PAN3: variants seen among roughly 807,000 people sequenced by gnomAD.
PAN3 encodes the protein PAN2-PAN3 deadenylation complex subunit PAN3.
A neutral mutation model predicts 96.2 loss-of-function variants in PAN3; 19 were observed. The observed-to-expected ratio is 0.20, with a 90% CI of 0.14 to 0.29. The LOEUF (loss-of-function observed/expected upper bound fraction) is 0.29. Among genes scored for constraint, PAN3 ranks in the 10% least tolerant of loss-of-function variants. PAN3 has a pLI of 1.00. For synonymous variants in PAN3, 433 were observed against 406.6 expected (o/e 1.06, Z -0.78); for missense variants, 882 against 1,108.1 (o/e 0.80, Z 2.90).
At chr13:28,184,816 T>C (rs984398616) in intron 4 of PAN3, among the ~76,000 whole-genome samples, 2 of 152,168 alleles carry the variant, frequency 1.3e-5, no homozygotes, top group Non-Finnish European at 1.5e-5. Flanking sequence ...TTTTCTCATT[T>C]CCTATTGGGC....
intron 6 of PAN3, among the ~76,000 whole-genome samples, chr13:28,228,453 A>G (rs1181613733): frequency 6.6e-6 from 1 of 152,168 alleles, no homozygotes; most frequent in Admixed American, 6.5e-5. Context: ...TGTGGATTGC[A>G]TATTTATTAT....
chr13:28,158,488 A>G (rs1872502643), intron 1 of PAN3, among the ~76,000 whole-genome samples: 1 of 152,216 alleles, frequency 6.6e-6, no homozygotes, highest in African/African-American at 2.4e-5. Flanking sequence ...ACTTAAATTA[A>G]CAAGCAAAAA....
chr13:28,284,008 T>G (rs1486743125), intron 17 of PAN3, among the ~76,000 whole-genome samples: 1 of 152,232 alleles, frequency 6.6e-6, no homozygotes, highest in African/African-American at 2.4e-5. Flanking sequence ...CTGTAGGGAC[T>G]AACTTGTGCA....
chr13:28,201,003 T>G (rs1157605982), intron 5 of PAN3, among the ~76,000 whole-genome samples: 1 of 152,128 alleles, frequency 6.6e-6, no homozygotes, highest in Non-Finnish European at 1.5e-5. Context: ...TATTGCTGGC[T>G]ACTTTTTTAT....
chr13:28,213,089 G>T (rs1170272900), intron 5 of PAN3, among the ~76,000 whole-genome samples: 2 of 151,904 alleles, frequency 1.3e-5, no homozygotes, highest in Non-Finnish European at 2.9e-5. Context: ...GTATCCATGG[G>T]TTCTGCATTC....
chr13:28,263,017 C>G (rs1242297460), intron 9 of PAN3, among the ~76,000 whole-genome samples: 1 of 152,122 alleles, frequency 6.6e-6, no homozygotes, highest in Non-Finnish European at 1.5e-5. Context: ...CAGTAGAATT[C>G]CAGTCAAAGC....
chr13:28,232,857 C>T (rs1006082352), intron 6 of PAN3, among the ~76,000 whole-genome samples: 4 of 151,964 alleles, frequency 2.6e-5, no homozygotes, highest in Non-Finnish European at 5.9e-5. Flanking sequence ...AACCTGTTGA[C>T]AGAAAATAAC....
chr13:28,194,146 C>CA (rs1017930105), intron 4 of PAN3, among the ~76,000 whole-genome samples: 104 of 100,716 alleles, frequency 1.0e-3, no homozygotes, highest in East Asian at 7.9e-3. Flanking sequence ...GATGGAGTCT[C>CA]AAAAAAAAAA....
intron 18 of PAN3, among the ~76,000 whole-genome samples, chr13:28,291,900 T>C (rs1869797666): frequency 6.6e-6 from 1 of 152,196 alleles, no homozygotes; most frequent in Non-Finnish European, 1.5e-5. Context: ...TTTGGTTCTA[T>C]GTACTAAGCT....
In PAN3 at chr13:28,139,148, G is replaced by T. The variant is rs1593335039; in HGVS notation, c.430+61G>T. On this transcript the variant is annotated intron_variant, in intron 1 of 18. Coordinates refer to ENST00000380958, the MANE Select transcript of PAN3 (RefSeq NM_175854.8). ...GGAGGGCAGGCCTGGGCCGGATGAG[G>T]CCCTGCTGCCGACGGGAGCTGAGCA... 2.4e-6 allele frequency: 3 copies of T among 1,250,476 alleles called. No homozygotes were observed. In the African/African-American group the frequency reaches 4.7e-5, roughly 19 times the overall value. The allele number at this position is 1,250,476 out of a possible 1,614,324, so 77.5% of individuals were successfully genotyped here. A position where few individuals can be genotyped will look rare whatever the true frequency, so the allele number is the denominator to read the frequency against.
chr13:28,289,699 G>T (rs1402508825), intron 18 of PAN3, among the ~76,000 whole-genome samples: 1 of 152,142 alleles, frequency 6.6e-6, no homozygotes, highest in African/African-American at 2.4e-5. Context: ...GGCTAACACG[G>T]TGAAACCCCG....
At chr13:28,194,452 A>ATG (rs1426895290) in intron 4 of PAN3, among the ~76,000 whole-genome samples, 4 of 101,726 alleles carry the variant, frequency 3.9e-5, no homozygotes, top group African/African-American at 2.0e-4. Flanking sequence ...ATATGTATGT[A>ATG]TATATATATA....
chr13:28,213,712 A>C (rs1392240766), intron 5 of PAN3, among the ~76,000 whole-genome samples: 1 of 151,910 alleles, frequency 6.6e-6, no homozygotes, highest in South Asian at 2.1e-4. Flanking sequence ...CAAAAAAAAA[A>C]AAAAAAAAGG....
intron 12 of PAN3, among the ~76,000 whole-genome samples, chr13:28,268,441 C>T (rs1489581009): frequency 6.6e-6 from 1 of 152,094 alleles, no homozygotes; most frequent in African/African-American, 2.4e-5. Context: ...TTTCCTTAAA[C>T]ATGAAATATT....
intron 3 of PAN3, 58 bp downstream of exon 3, chr13:28,176,617 G>T: frequency 6.7e-7 from 1 of 1,499,326 alleles, no homozygotes; most frequent in Non-Finnish European, 9.2e-7. Context: ...TACTCTAAAA[G>T]TAATATACAA....
chr13:28,289,818 T>G (rs1025825481), intron 18 of PAN3, among the ~76,000 whole-genome samples: 1 of 151,672 alleles, frequency 6.6e-6, no homozygotes, highest in African/African-American at 2.4e-5. Context: ...GGAGGCGGAG[T>G]TTGCAGTGAG....
chr13:28,148,082 A>G (rs1032938124), intron 1 of PAN3, among the ~76,000 whole-genome samples: 1 of 151,984 alleles, frequency 6.6e-6, no homozygotes, highest in African/African-American at 2.4e-5. Context: ...CAGCCTCCCA[A>G]GTAGCTGAGA....
At chr13:28,182,326 A>G (rs185329927) in intron 4 of PAN3, among the ~76,000 whole-genome samples, 34 of 152,204 alleles carry the variant, frequency 2.2e-4, no homozygotes, top group African/African-American at 7.0e-4. Context: ...TTTCTGGGCT[A>G]TTGCCCTTCT....
intron 6 of PAN3, chr13:28,239,506 G>T: frequency 1.2e-6 from 1 of 841,492 alleles, no homozygotes; most frequent in Non-Finnish European, 1.6e-6. Context: ...CAGTAAGTTT[G>T]TCCTTTCCAC....
Sources: gnomAD v4.1 joint callset for allele counts (sites outside exome capture counted in the v4.1 genomes callset) on GRCh38, gnomAD v4.1.1 for gene constraint, MANE v1.5 for transcripts, NCBI Gene and HGNC (gene_info 2026-07-23, HGNC 2026-07-21) for gene names.